Variants in FREM1 observed in about 807,000 individuals in gnomAD.
The protein encoded by FREM1 is FRAS1 related extracellular matrix 1.
FREM1 carries 220 observed loss-of-function variants against 210.1 expected under a neutral mutation model. That is an observed-to-expected ratio of 1.05 (90% CI 0.94 to 1.17). The LOEUF (loss-of-function observed/expected upper bound fraction) is 1.17, where lower values mean the gene tolerates loss of function less well. Ranked by LOEUF, FREM1 falls within the 50% of genes most tolerant of loss-of-function variation. The probability of loss-of-function intolerance (pLI) is 0.00; values close to 1 mark genes in which losing one functional copy is unlikely to be tolerated. For synonymous variants in FREM1, 1,189 were observed against 980.2 expected, an observed-to-expected ratio of 1.21 and a Z score of -3.98; for missense variants, 3,454 against 2,675.5, an observed-to-expected ratio of 1.29 and a Z score of -6.42.
chr9:14,872,374 G>A (rs1832839582), intron 1 of FREM1, among the ~76,000 whole-genome samples: 1 of 152,034 alleles, frequency 6.6e-6, no homozygotes, highest in Non-Finnish European at 1.5e-5. Context: ...TCCTTGAAGA[G>A]GTCCTTCAGG....
intron 19 of FREM1, among the ~76,000 whole-genome samples, chr9:14,804,647 T>C (rs1818025120): frequency 6.6e-6 from 1 of 151,896 alleles, no homozygotes; most frequent in African/African-American, 2.4e-5. Context: ...AACTTCCCAG[T>C]GGTATTATTT....
chr9:14,738,295 C>G (rs1840765733), intron 36 of FREM1, among the ~76,000 whole-genome samples: 1 of 152,150 alleles, frequency 6.6e-6, no homozygotes, highest in Non-Finnish European at 1.5e-5. Context: ...AAGGAACTCC[C>G]TGCCATAGCA....
chr9:14,775,761 G>T (rs1211042049), intron 25 of FREM1, 28 bp downstream of exon 25: 6 of 1,318,168 alleles, frequency 4.6e-6, no homozygotes, highest in Middle Eastern at 2.2e-4. Context: ...CACATCTCTG[G>T]CAAATGAACT....
rs1817319769 is a variant in FREM1 at position 14,801,700 on chromosome 9, G to A, written c.3646C>T (p.Gln1216Ter). 1 of 1,613,954 alleles carries A rather than the reference G, an allele frequency of 6.2e-7. No homozygotes were observed. Among genetic ancestry groups the A allele is most frequent in the Non-Finnish European group, 8.5e-7 (1 of 1,179,836 alleles). ...AAGCTGTGAACAGGTGCATGTTTCT[G>A]GTGAGGGTTGGCTGGCTGCTTATTC... ...SENKQPANPHQKHAPVHSFSM... is the reference protein window; with the variant it reads ...SENKQPANPH Residue 1216 changes from glutamine (Q) to a stop codon, truncating the protein, a stop_gained, in exon 20 of 37, where the codon CAG (glutamine) becomes TAG (stop). Coordinates refer to ENST00000380880, the MANE Select transcript of FREM1 (RefSeq NM_001379081.2). LOFTEE classifies it high-confidence loss of function.
chr9:14,889,472 G>A (rs1245036267), intron 1 of FREM1, among the ~76,000 whole-genome samples: 1 of 152,172 alleles, frequency 6.6e-6, no homozygotes, highest in Non-Finnish European at 1.5e-5. Flanking sequence ...CATAAGAGAG[G>A]AAGACCCATG....
intron 24 of FREM1, chr9:14,782,430 TTTC>T: frequency 1.3e-6 from 1 of 756,894 alleles, no homozygotes; most frequent in Non-Finnish European, 1.6e-6. Context: ...AGGTCACTGG[TTTC>T]TTCAAGACAG....
At position 14,769,870 on chromosome 9, in the gene FREM1, T is replaced by TTTTTAGG. The variant is rs1554649205; in HGVS notation, c.5060-3_5060-2insCCTAAAA. ...TAAATTTCTCATGGATAAATTCACC[T>TTTTTAGG]AAAAAAAGAAATAAATGAATATCAT... On this transcript the variant is annotated splice_region_variant and splice_polypyrimidine_tract_variant and intron_variant, in intron 26 of 36. Coordinates refer to ENST00000380880, the MANE Select transcript of FREM1 (RefSeq NM_001379081.2). 2 of 1,437,916 alleles carry TTTTTAGG rather than the reference T, an allele frequency of 1.4e-6. No homozygotes were observed. The highest frequency in any genetic ancestry group is 9.5e-7 in the Non-Finnish European group (1 of 1,050,206). 89.1% of individuals were successfully genotyped at this position (1,437,916 alleles called of 1,614,324 possible).
At chr9:14,799,120 C>CT (rs879280631) in intron 20 of FREM1, among the ~76,000 whole-genome samples, 22 of 152,058 alleles carry the variant, frequency 1.4e-4, no homozygotes, top group Non-Finnish European at 2.5e-4. Flanking sequence ...CTCTACAAAA[C>CT]TTTTTTTTCA....
chr9:14,759,699 A>C, intron 28 of FREM1, 73 bp downstream of exon 28: 4 of 1,368,926 alleles, frequency 2.9e-6, no homozygotes, highest in Non-Finnish European at 3.9e-6. Flanking sequence ...AATTTTTCTA[A>C]AAAAAATATA....
At position 14,748,618 on chromosome 9, in the gene FREM1, G is replaced by A. The variant is rs1421557405; in HGVS notation, c.5579C>T (p.Ser1860Phe). The A allele has an allele frequency of 1.2e-6, 2 of 1,613,060 alleles. No individual in the cohort carries two copies. Among genetic ancestry groups the A allele is most frequent in the East Asian group, 2.2e-5 (1 of 44,862 alleles). ...TGTGCTGTGCTTGCTTTGGTTGGAG[G>A]AATATGAAGGATGGCATTGTCCTGG... ...SKGGQCHPSYSSNQSKHSTWE... is the reference protein window; with the variant it reads ...SKGGQCHPSYFSNQSKHSTWE... Residue 1860 changes from serine (S) to phenylalanine (F), a missense_variant, in exon 31 of 37, where the codon TCC (serine) becomes TTC (phenylalanine). Physicochemically the swap from Ser to Phe is radical, Grantham distance 155. Transcript: ENST00000380880.
chr9:14,827,163 G>C (rs1219004799), intron 10 of FREM1, among the ~76,000 whole-genome samples: 1 of 68,256 alleles, frequency 1.5e-5, no homozygotes, highest in Admixed American at 2.0e-4. Flanking sequence ...CTCAGAAGAG[G>C]TGTGCTCTAG....
intron 25 of FREM1, among the ~76,000 whole-genome samples, chr9:14,772,366 A>G (rs537948831): frequency 2.6e-5 from 4 of 152,288 alleles, no homozygotes; most frequent in African/African-American, 7.2e-5. Flanking sequence ...TTTAAAAATC[A>G]TGTTATCAGG....
At chr9:14,779,769 T>C (rs1332829159) in intron 24 of FREM1, among the ~76,000 whole-genome samples, 1 of 152,142 alleles carries the variant, frequency 6.6e-6, no homozygotes, top group Non-Finnish European at 1.5e-5. Flanking sequence ...GTAAGAAATA[T>C]GTTTTCTGAG....
intron 4 of FREM1, among the ~76,000 whole-genome samples, chr9:14,858,889 C>A (rs1194018296): frequency 1.3e-5 from 2 of 152,308 alleles, no homozygotes; most frequent in East Asian, 3.9e-4. Context: ...GTATGTATAA[C>A]CTCATTTACT....
chr9:14,837,796 G>T (rs1824910028), intron 10 of FREM1, among the ~76,000 whole-genome samples: 1 of 152,146 alleles, frequency 6.6e-6, no homozygotes. Context: ...TTGATAACCG[G>T]ATTTAATTTT....
intron 10 of FREM1, among the ~76,000 whole-genome samples, chr9:14,837,191 C>T (rs1824790705): frequency 6.6e-6 from 1 of 152,122 alleles, no homozygotes; most frequent in Non-Finnish European, 1.5e-5. Flanking sequence ...GGTGGGAGGA[C>T]CAGCTTTTTC....
chr9:14,800,412 A>G (rs1472456651), intron 20 of FREM1, among the ~76,000 whole-genome samples: 1 of 152,252 alleles, frequency 6.6e-6, no homozygotes, highest in Non-Finnish European at 1.5e-5. Flanking sequence ...AAGTATTTTC[A>G]TATGTGAAAA....
rs991993328 is a variant in FREM1 at position 14,776,303 on chromosome 9, C to A, written c.4443-100G>T. 8 of 1,304,048 alleles carry A rather than the reference C, an allele frequency of 6.1e-6. No individual in the cohort carries two copies. In the South Asian group the frequency reaches 8.6e-5, roughly 14 times the overall value. The allele number at this position is 1,304,048 out of a possible 1,614,324, so 80.8% of individuals were successfully genotyped here. ...ACACACCTTTACTAAAGGGTATTGT[C>A]GTGTTGTGACTCAAATGAAAAATCA... On this transcript the variant is annotated intron_variant, in intron 24 of 36. Transcript: ENST00000380880.
chr9:14,776,793 T>G (rs555927121), intron 24 of FREM1, among the ~76,000 whole-genome samples: 1 of 152,332 alleles, frequency 6.6e-6, no homozygotes, highest in South Asian at 2.1e-4. Context: ...AGGCCTCATT[T>G]CCATGGCTCT....
Sources: gnomAD v4.1 joint callset for allele counts (sites outside exome capture counted in the v4.1 genomes callset) on GRCh38, gnomAD v4.1.1 for gene constraint, MANE v1.5 for transcripts, NCBI Gene and HGNC (gene_info 2026-07-23, HGNC 2026-07-21) for gene names.